Variants in DLGAP2 observed in about 807,000 individuals in gnomAD.
The protein encoded by DLGAP2 is DLG associated protein 2, also known as disks large-associated protein 2.
Under a neutral mutation model 100.3 loss-of-function variants are expected in DLGAP2, and 26 were observed. That is an observed-to-expected ratio of 0.26 (90% CI 0.19 to 0.36). The LOEUF (loss-of-function observed/expected upper bound fraction) is 0.36. Ranked by LOEUF, DLGAP2 falls within the 10% of genes least tolerant of loss-of-function variation. The pLI, the probability that DLGAP2 is intolerant of heterozygous loss-of-function variation, is 1.00. For missense variants in DLGAP2, 1,858 were observed against 1,453.2 expected, an observed-to-expected ratio of 1.28 and a Z score of -4.53; for synonymous variants, 886 against 630.1, an observed-to-expected ratio of 1.41 and a Z score of -6.08.
intron 2 of DLGAP2, among the ~76,000 whole-genome samples, chr8:1,069,307 G>T (rs901063787): frequency 2.0e-5 from 3 of 152,126 alleles, no homozygotes; most frequent in African/African-American, 7.2e-5. Context: ...TGGACAGGTC[G>T]CGAGGAGGCC....
intron 2 of DLGAP2, among the ~76,000 whole-genome samples, chr8:1,129,871 C>G (rs963352675): frequency 1.3e-5 from 2 of 152,186 alleles, no homozygotes; most frequent in African/African-American, 4.8e-5. Context: ...CCCCCAGGAC[C>G]ACATTTGTAA....
At chr8:776,983 C>G (rs933474862) in intron 1 of DLGAP2, among the ~76,000 whole-genome samples, 3 of 152,084 alleles carry the variant, frequency 2.0e-5, no homozygotes, top group Non-Finnish European at 4.4e-5. Flanking sequence ...ATGTGGGAGT[C>G]TAAGTCTCTT....
chr8:1,468,617 C>A (rs974667015), intron 3 of DLGAP2, among the ~76,000 whole-genome samples: 1 of 152,208 alleles, frequency 6.6e-6, no homozygotes, highest in Admixed American at 6.5e-5. Context: ...TGAAGGAAAC[C>A]TGGGAAGCCT....
chr8:1,630,537 C>T (rs1280025945), intron 7 of DLGAP2, among the ~76,000 whole-genome samples: 1 of 151,962 alleles, frequency 6.6e-6, no homozygotes, highest in African/African-American at 2.4e-5. Flanking sequence ...CTCGTCTCTA[C>T]TAAAAATACA....
At chr8:803,771 C>A (rs1344876129) in intron 1 of DLGAP2, among the ~76,000 whole-genome samples, 1 of 152,166 alleles carries the variant, frequency 6.6e-6, no homozygotes, top group Non-Finnish European at 1.5e-5. Flanking sequence ...ATTTTATATT[C>A]CCATTTTGTG....
intron 2 of DLGAP2, among the ~76,000 whole-genome samples, chr8:1,054,721 T>C (rs1460646021): frequency 6.6e-6 from 1 of 152,242 alleles, no homozygotes; most frequent in Admixed American, 6.5e-5. Context: ...TTGGAAGGTT[T>C]GATTCATGGT....
intron 1 of DLGAP2, among the ~76,000 whole-genome samples, chr8:859,079 A>C (rs2336409): frequency 0.36 from 54,885 of 151,482 alleles, 10,110 homozygotes; most frequent in East Asian, 0.54. Flanking sequence ...TTGTCACTAA[A>C]AACCTGAGAC....
At chr8:1,682,454 A>T (rs927016891) in intron 12 of DLGAP2, among the ~76,000 whole-genome samples, 1 of 151,232 alleles carries the variant, frequency 6.6e-6, no homozygotes, top group African/African-American at 2.4e-5. Context: ...CAACAGTAAG[A>T]TTCCAAAATC....
intron 3 of DLGAP2, among the ~76,000 whole-genome samples, chr8:1,280,326 A>T: frequency 6.6e-6 from 1 of 152,134 alleles, no homozygotes; most frequent in Non-Finnish European, 1.5e-5. Context: ...TATTTCCTTG[A>T]GATTAAAAGA....
intron 8 of DLGAP2, among the ~76,000 whole-genome samples, chr8:1,656,748 G>T (rs1798293997): frequency 6.6e-6 from 1 of 152,114 alleles, no homozygotes; most frequent in Non-Finnish European, 1.5e-5. Context: ...TACTATATGT[G>T]TGGCTCTCTC....
chr8:936,846 C>A (rs775010892), intron 2 of DLGAP2, among the ~76,000 whole-genome samples: 23 of 152,132 alleles, frequency 1.5e-4, no homozygotes, highest in Non-Finnish European at 2.8e-4. Context: ...AAGTGCTGAC[C>A]AGGAGAATGT....
At chr8:1,411,074 T>G (rs1796717342) in intron 3 of DLGAP2, among the ~76,000 whole-genome samples, 1 of 152,188 alleles carries the variant, frequency 6.6e-6, no homozygotes, top group Non-Finnish European at 1.5e-5. Context: ...CGTGGAAAGC[T>G]ACCTGCATAC....
chr8:1,189,065 G>A (rs1283375759), intron 2 of DLGAP2, among the ~76,000 whole-genome samples: 1 of 149,398 alleles, frequency 6.7e-6, no homozygotes, highest in African/African-American at 2.6e-5. Context: ...GCATACACAG[G>A]GTTCGGGCCC....
At chr8:1,497,293 C>T (rs943825393) in intron 3 of DLGAP2, among the ~76,000 whole-genome samples, 1 of 152,204 alleles carries the variant, frequency 6.6e-6, no homozygotes, top group Non-Finnish European at 1.5e-5. Flanking sequence ...CGATCAGCCT[C>T]ACACATGGGA....
intron 12 of DLGAP2, chr8:1,680,451 C>T (rs1032305523): frequency 6.6e-6 from 1 of 152,218 alleles, no homozygotes; most frequent in East Asian, 1.9e-4. Flanking sequence ...AACTTAAGGT[C>T]TGAACCTATG....
intron 3 of DLGAP2, among the ~76,000 whole-genome samples, chr8:1,476,098 A>G (rs1798922469): frequency 6.6e-6 from 1 of 152,198 alleles, no homozygotes; most frequent in African/African-American, 2.4e-5. Flanking sequence ...TACAGTAACC[A>G]GTGTCTGAAG....
intron 2 of DLGAP2, among the ~76,000 whole-genome samples, chr8:916,784 A>C (rs1584887767): frequency 1.3e-5 from 2 of 152,226 alleles, no homozygotes; most frequent in Non-Finnish European, 2.9e-5. Flanking sequence ...TTTGTTGGGC[A>C]GTGGAAGTGA....
At chr8:1,452,902 T>C (rs180858137) in intron 3 of DLGAP2, among the ~76,000 whole-genome samples, 82 of 152,288 alleles carry the variant, frequency 5.4e-4, no homozygotes, top group African/African-American at 1.9e-3. Context: ...CCAGGTCTAT[T>C]ACGAAGGCCT....
chr8:1,636,257 C>G (rs576136180), intron 8 of DLGAP2, among the ~76,000 whole-genome samples: 25 of 152,230 alleles, frequency 1.6e-4, no homozygotes, highest in African/African-American at 6.0e-4. Flanking sequence ...TGATTTTTCT[C>G]TGGGCCGGAA....
Sources: allele counts gnomAD v4.1 joint callset (sites outside exome capture counted in the v4.1 genomes callset), GRCh38; gene constraint gnomAD v4.1.1; transcripts MANE v1.5; gene names NCBI Gene and HGNC (gene_info 2026-07-23, HGNC 2026-07-21).